The following MINAR1 variants were observed in gnomAD, a reference collection of about 807,000 sequenced individuals.
MINAR1 encodes the protein membrane integral NOTCH2 associated receptor 1, also known as major intrinsically disordered Notch2-binding receptor 1.
Under a neutral mutation model 65.1 loss-of-function variants are expected in MINAR1, and 40 were observed. The observed-to-expected ratio is 0.61, with a 90% CI of 0.48 to 0.80. The LOEUF (loss-of-function observed/expected upper bound fraction) is 0.80, where lower values mean the gene tolerates loss of function less well. Among genes scored for constraint, MINAR1 ranks in the 30% least tolerant of loss-of-function variants. MINAR1 has a pLI of 0.00. For synonymous variants in MINAR1, 482 were observed against 449.1 expected (o/e 1.07, Z -0.93); for missense variants, 1,128 against 1,148.0 (o/e 0.98, Z 0.25).
At chr15:79,452,735 GGT>G (rs200698792) in intron 1 of MINAR1, among the ~76,000 whole-genome samples, 1 of 138,826 alleles carries the variant, frequency 7.2e-6, no homozygotes, top group Non-Finnish European at 1.6e-5. Context: ...AGTCTGTGTG[GGT>G]GTGTGGGGGG....
intron 1 of MINAR1, among the ~76,000 whole-genome samples, chr15:79,452,397 G>T (rs1332735201): frequency 6.6e-6 from 1 of 151,746 alleles, no homozygotes; most frequent in Non-Finnish European, 1.5e-5. Context: ...CATGACTGAA[G>T]CTGTGCAAGT....
Position 79,471,740 on chromosome 15 carries a change from CAG to C in MINAR1, c.*3358_*3359del, listed in dbSNP as rs1896093185. The C allele has an allele frequency of 6.7e-6, 1 of 148,928 alleles. No homozygotes were observed. The highest frequency in any genetic ancestry group is 2.0e-4 in the East Asian group (1 of 5,054). 9.2% of individuals were successfully genotyped at this position (148,928 alleles called of 1,614,324 possible). ...TTTTTTTTTTTGAAATAGAAAAAAA[CAG>C]AAGAAGCTCTGCCAACAATAAAAGA... On this transcript the variant is annotated 3_prime_UTR_variant, in exon 4 of 4. Coordinates refer to ENST00000305428, the MANE Select transcript of MINAR1 (RefSeq NM_015206.3).
At chr15:79,455,056 A>T (rs955006205) in intron 1 of MINAR1, among the ~76,000 whole-genome samples, 1 of 152,256 alleles carries the variant, frequency 6.6e-6, no homozygotes, top group Non-Finnish European at 1.5e-5. Context: ...ATATATGGAT[A>T]GATATGTAAT....
chr15:79,441,471 T>C (rs953990297), intron 1 of MINAR1, among the ~76,000 whole-genome samples: 4 of 152,144 alleles, frequency 2.6e-5, no homozygotes, highest in East Asian at 1.9e-4. Flanking sequence ...GAACCCAGTG[T>C]TGGCTACAAA....
intron 1 of MINAR1, among the ~76,000 whole-genome samples, chr15:79,455,811 G>A (rs1243758174): frequency 6.6e-6 from 1 of 152,108 alleles, no homozygotes; most frequent in Non-Finnish European, 1.5e-5. Context: ...ACATGTTTAT[G>A]TATTCTCCTA....
At chr15:79,422,487 G>T in the MINAR1 span, 1 of 151,590 alleles carries the variant, frequency 6.6e-6, no homozygotes, top group African/African-American at 2.4e-5. Flanking sequence ...GGTGGAGGTT[G>T]CAGTGAGTCA....
At chr15:79,466,113 A>G (rs746206174) in intron 3 of MINAR1, among the ~76,000 whole-genome samples, 39 of 152,142 alleles carry the variant, frequency 2.6e-4, no homozygotes, top group Admixed American at 5.9e-4. Flanking sequence ...TTTTCCCCAC[A>G]TTGAGAGTGT....
Position 79,471,965 on chromosome 15 carries a change from T to C in MINAR1, c.*3581T>C, listed in dbSNP as rs931584830. 3 of 152,604 alleles carry C rather than the reference T, an allele frequency of 2.0e-5. No individual in the cohort carries two copies. Among genetic ancestry groups the C allele is most frequent in the Non-Finnish European group, 4.4e-5 (3 of 68,038 alleles). The allele number at this position is 152,604 out of a possible 1,614,324, so 9.5% of individuals were successfully genotyped here. A position where few individuals can be genotyped will look rare whatever the true frequency, so the allele number is the denominator to read the frequency against. ...ATTGGGGAAAAGGGTATTCAATATTTATTAAGTAACAATGAGAAATGCAAC... is the reference window on the plus strand; with the variant it reads ...ATTGGGGAAAAGGGTATTCAATATTCATTAAGTAACAATGAGAAATGCAAC... On this transcript the variant is annotated 3_prime_UTR_variant, in exon 4 of 4. Coordinates refer to ENST00000305428, the MANE Select transcript of MINAR1 (RefSeq NM_015206.3).
At chr15:79,411,519 G>A in the MINAR1 span, 2 of 701,806 alleles carry the variant, frequency 2.8e-6, no homozygotes, top group Non-Finnish European at 5.2e-6. Context: ...TTTTCAGCGG[G>A]GAGGCACTGA....
At chr15:79,416,193 A>G in the MINAR1 span, 1 of 152,228 alleles carries the variant, frequency 6.6e-6, no homozygotes, top group East Asian at 1.9e-4. Flanking sequence ...ACTTGTTTCT[A>G]TCATAGCCAA....
Position 79,456,480 on chromosome 15 carries a change from G to C in MINAR1, c.333G>C (p.Lys111Asn), listed in dbSNP as rs564242424. 1.9e-6 allele frequency: 3 copies of C among 1,614,068 alleles called. No homozygotes were observed. In the East Asian group the frequency reaches 6.7e-5, roughly 36 times the overall value. Residue 111 changes from lysine (K) to asparagine (N), a missense_variant, in exon 2 of 4, where the codon AAG becomes AAC. By Grantham distance (94) the Lys-to-Asn change is moderately conservative. Coordinates refer to ENST00000305428, the MANE Select transcript of MINAR1 (RefSeq NM_015206.3). ...AGAAGCTGCCCACGGGCCGCCAGAA[G>C]GTACGCAAGAAGGAGGCATCCTTTG... ...AKEKLPTGRQ[K>N]VRKKEASFES...
chr15:79,466,019 G>C (rs1028397284), intron 3 of MINAR1, among the ~76,000 whole-genome samples: 6 of 152,094 alleles, frequency 3.9e-5, no homozygotes, highest in Non-Finnish European at 8.8e-5. Flanking sequence ...GCTCAGGGAA[G>C]AGGCTTCTGG....
At chr15:79,432,786 C>T (rs1362543365) in intron 1 of MINAR1, among the ~76,000 whole-genome samples, 4 of 152,110 alleles carry the variant, frequency 2.6e-5, no homozygotes, top group African/African-American at 9.7e-5. Context: ...GGCGGGGCCG[C>T]ACCTGGTGGA....
upstream of MINAR1, among the ~76,000 whole-genome samples, chr15:79,431,870 C>G (rs1470178304): frequency 6.6e-6 from 1 of 152,216 alleles, no homozygotes; most frequent in Admixed American, 6.5e-5. Flanking sequence ...ACCGCCTTCC[C>G]GGGGCTCCGG....
chr15:79,450,819 G>A (rs187658900), intron 1 of MINAR1, among the ~76,000 whole-genome samples: 48 of 152,226 alleles, frequency 3.2e-4, no homozygotes, highest in Admixed American at 2.8e-3. Context: ...ACCTGCAGAG[G>A]GTGCTGTGAG....
the MINAR1 span, chr15:79,424,819 A>G: frequency 8.4e-4 from 128 of 152,322 alleles, 1 homozygote; most frequent in African/African-American, 3.0e-3. Context: ...CCAAATCCAC[A>G]AAAATTCATT....
chr15:79,452,489 A>G (rs75054299), intron 1 of MINAR1, among the ~76,000 whole-genome samples: 1 of 134,172 alleles, frequency 7.5e-6, no homozygotes, highest in East Asian at 2.3e-4. Context: ...TGTGGATTTG[A>G]GTCTGAGTGT....
chr15:79,442,158 G>A (rs960772264), intron 1 of MINAR1, among the ~76,000 whole-genome samples: 1 of 149,724 alleles, frequency 6.7e-6, no homozygotes, highest in African/African-American at 2.5e-5. Flanking sequence ...GGGATCTTGT[G>A]TGGAAAACCC....
At chr15:79,419,108 C>T in the MINAR1 span, 6 of 152,256 alleles carry the variant, frequency 3.9e-5, no homozygotes, top group East Asian at 3.9e-4. Flanking sequence ...GTTCATGCCT[C>T]GGCCATAGGC....
Sources: gnomAD v4.1 joint callset for allele counts (sites outside exome capture counted in the v4.1 genomes callset) on GRCh38, gnomAD v4.1.1 for gene constraint, MANE v1.5 for transcripts, NCBI Gene and HGNC (gene_info 2026-07-23, HGNC 2026-07-21) for gene names.